ABCA3: variants seen among roughly 807,000 people sequenced by gnomAD.
The protein encoded by ABCA3 is phospholipid-transporting ATPase ABCA3.
A neutral mutation model predicts 172.8 loss-of-function variants in ABCA3; 88 were observed. That is an observed-to-expected ratio of 0.51 (90% CI 0.43 to 0.61). The LOEUF (loss-of-function observed/expected upper bound fraction) is 0.61, where lower values mean the gene tolerates loss of function less well. ABCA3 is among the 20% of genes least tolerant of loss of function. The pLI is 0.00. For missense variants in ABCA3, 2,164 were observed against 2,301.0 expected, an observed-to-expected ratio of 0.94 and a Z score of 1.22; for synonymous variants, 1,066 against 983.8, an observed-to-expected ratio of 1.08 and a Z score of -1.56.
chr16:2,284,273 A>G lies in ABCA3; in HGVS notation c.3862+6T>C, dbSNP rs1410963021. 13 of 1,611,752 alleles carry G rather than the reference A, an allele frequency of 8.1e-6. No individual in the cohort carries two copies. Among genetic ancestry groups the G allele is most frequent in the South Asian group, 1.1e-5 (1 of 91,070 alleles). ...TGCTGCCCGGGGTCGGGGCTGGGAC[A>G]CTCACTATATTTCTTGCAGTAGTGG... On this transcript the variant is annotated splice_donor_region_variant and intron_variant, in intron 25 of 32. Transcript: ENST00000301732. The surrounding 1 kb of genome is among the most constrained non-coding windows in gnomAD (Gnocchi z 5.9).
intron 19 of ABCA3, among the ~76,000 whole-genome samples, chr16:2,291,570 T>C (rs971983476): frequency 2.6e-5 from 4 of 152,202 alleles, no homozygotes; most frequent in African/African-American, 9.6e-5. Flanking sequence ...GTGTGCCAGC[T>C]AGACCCGTGG....
At chr16:2,309,190 C>T (rs1324174356) in intron 10 of ABCA3, among the ~76,000 whole-genome samples, 2 of 152,368 alleles carry the variant, frequency 1.3e-5, no homozygotes, top group East Asian at 3.9e-4. Context: ...TCGTGATCCA[C>T]CGGCCTTGGC....
intron 8 of ABCA3, among the ~76,000 whole-genome samples, chr16:2,318,078 C>T (rs1052866296): frequency 1.7e-4 from 26 of 152,252 alleles, no homozygotes; most frequent in African/African-American, 6.0e-4. Flanking sequence ...TCCCCCGAAG[C>T]TACGTCAGGC....
intron 13 of ABCA3, 83 bp from the exon 14 acceptor site, chr16:2,299,615 C>A (rs1175394340): frequency 1.9e-6 from 3 of 1,596,056 alleles, no homozygotes; most frequent in East Asian, 2.2e-5. Flanking sequence ...CCTGCCCGAC[C>A]GTCTCAGAAG....
chr16:2,284,978 G>C lies in ABCA3; in HGVS notation c.3504C>G (p.Asp1168Glu). 6.2e-7 allele frequency: 1 copy of C among 1,613,518 alleles called. No homozygotes were observed. The highest frequency in any genetic ancestry group is 2.2e-5 in the East Asian group (1 of 44,860). ...LLLLVVFKAF[D>E]VRAFTRDGHM... The stretch of plus-strand genomic sequence containing the variant: ...GGCCGTCCCGCGTGAAGGCACGCAC[G>C]TCGAAGGCCTTAAACACCACCTGCG... Residue 1168 changes from aspartate (D) to glutamate (E), a missense_variant, in exon 24 of 33, where the codon GAC (aspartate) becomes GAG (glutamate). By Grantham distance (45) the Asp-to-Glu change is conservative. Transcript: ENST00000301732. The surrounding 1 kb of genome is among the most constrained non-coding windows in gnomAD (Gnocchi z 5.9).
rs369924779 is a variant in ABCA3 at position 2,317,269 on chromosome 16, T to C, written c.1111+14A>G. The C allele has an allele frequency of 6.2e-6, 10 of 1,613,484 alleles. No individual in the cohort carries two copies. ...CCCTTGGCAACCCCACTCTGCCCCA[T>C]GACTGGGGCTCACCTTTGCTGAAGA... On this transcript the variant is annotated intron_variant, in intron 10 of 32. Transcript: ENST00000301732.
rs926697117 is a variant in ABCA3 at position 2,285,208 on chromosome 16, C to T, written c.3484-210G>A. ...CAGTTTCCCCTCGTCCCCTTGCACCCGGAGCTGTAACCAGGATGGCTGCTC... is the reference window on the plus strand; with the variant it reads ...CAGTTTCCCCTCGTCCCCTTGCACCTGGAGCTGTAACCAGGATGGCTGCTC... On this transcript the variant is annotated intron_variant, in intron 23 of 32. Coordinates refer to ENST00000301732, the MANE Select transcript of ABCA3 (RefSeq NM_001089.3). This position sits in a 1 kb window ranked among gnomAD's most constrained non-coding sequence, Gnocchi z 4.7. Among the ~76,000 whole-genome samples, 4 of 152,194 alleles carry T rather than the reference C, an allele frequency of 2.6e-5. No homozygotes were observed. The highest frequency in any genetic ancestry group is 6.5e-5 in the Admixed American group (1 of 15,288).
At position 2,297,773 on chromosome 16, in the gene ABCA3, C is replaced by G; in HGVS notation, c.2045G>C (p.Gly682Ala). The G allele has an allele frequency of 6.2e-7, 1 of 1,611,908 alleles. No individual in the cohort carries two copies. Among genetic ancestry groups the G allele is most frequent in the Non-Finnish European group, 8.5e-7 (1 of 1,180,026 alleles). ...CCAGTCCCACCGCCACACCTTGGAG[C>G]CTGCGATGAGGGCGATGCCGATGGA... ...KLSIGIALIA[G>A]SKVLILDEPT... The change falls in exon 16 of 33, where the codon GGC becomes GCC. Residue 682 changes from glycine to alanine, a missense_variant. Physicochemically the swap from Gly to Ala is moderately conservative, Grantham distance 60. This residue lies in a region of ABCA3 where 1,343 missense variants were observed against 1,369.6 expected (regional missense o/e 0.98). Transcript: ENST00000301732. This position sits in a 1 kb window ranked among gnomAD's most constrained non-coding sequence, Gnocchi z 5.6.
Position 2,319,617 on chromosome 16 carries a change from G to A in ABCA3, c.837C>T (p.Ala279=), listed in dbSNP as rs45468595. 18 of 1,613,346 alleles carry A rather than the reference G, an allele frequency of 1.1e-5. No homozygotes were observed. The African/African-American group carries it at 2.3e-4, about 20-fold the overall frequency. The part of the protein sequence containing the change: ...LSFTYTALTI[A]RAVVQEKERR... Reference sequence around the variant, plus strand: ...TTTCCTTCTCCTGCACGACAGCACGGGCAATGGTGAGCGCGGTGTAGGTGA... The same window carrying A: ...TTTCCTTCTCCTGCACGACAGCACGAGCAATGGTGAGCGCGGTGTAGGTGA... Residue 279 remains alanine (A), a synonymous_variant, in exon 8 of 33, where the codon GCC becomes GCT. Transcript: ENST00000301732.
chr16:2,319,779 G>A lies in ABCA3; in HGVS notation c.675C>T (p.Tyr225=), dbSNP rs572736116. The change falls in exon 8 of 33, where the codon TAC becomes TAT. Residue 225 remains tyrosine (Y), a synonymous_variant. Coordinates refer to ENST00000301732, the MANE Select transcript of ABCA3 (RefSeq NM_001089.3). ...GCTGGCGTGTGGCGGCATCGGCATG[G>A]TACTCCATGATGGCCCGGTCCACAG... ...QHAVDRAIME[Y]HADAATRQLF... is the part of the protein sequence containing the mutation. 6.2e-7 allele frequency: 1 copy of A among 1,614,012 alleles called. No individual in the cohort carries two copies. The highest frequency in any genetic ancestry group is 1.1e-5 in the South Asian group (1 of 91,080).
chr16:2,325,368 C>T (rs1418196174), intron 5 of ABCA3, among the ~76,000 whole-genome samples: 1 of 152,150 alleles, frequency 6.6e-6, no homozygotes, highest in Non-Finnish European at 1.5e-5. Context: ...CCTGCTGCTC[C>T]CCGGGGTCCT....
intron 17 of ABCA3, among the ~76,000 whole-genome samples, chr16:2,296,777 C>CA (rs2093680423): frequency 6.6e-6 from 1 of 152,222 alleles, no homozygotes; most frequent in South Asian, 2.1e-4. Context: ...GGTTGCCACT[C>CA]AGTCACTAGG....
rs2093683834 is a variant in ABCA3 at position 2,298,577 on chromosome 16, G to T, written c.1742-37C>A. ...CAGGAGACCCCACATTCAGCATGAA[G>T]ATCCTGCTCGTCAGCACCCGCGGTA... On this transcript the variant is annotated intron_variant, in intron 14 of 32. Transcript: ENST00000301732. 3.1e-6 allele frequency: 5 copies of T among 1,609,254 alleles called. No individual in the cohort carries two copies. The African/African-American group carries it at 4.0e-5, about 13-fold the overall frequency.
rs1596865179 is a variant in ABCA3, at chr16:2,324,301, T to C, written c.447+103A>G. 3.4e-6 allele frequency: 5 copies of C among 1,481,064 alleles called. No homozygotes were observed. The African/African-American group carries it at 5.6e-5, about 17-fold the overall frequency. 91.7% of individuals were successfully genotyped at this position (1,481,064 alleles called of 1,614,324 possible). A position where few individuals can be genotyped will look rare whatever the true frequency, so the allele number is the denominator to read the frequency against. On this transcript the variant is annotated intron_variant, in intron 6 of 32. Coordinates refer to ENST00000301732, the MANE Select transcript of ABCA3 (RefSeq NM_001089.3). ...CTATTGACTTGCAGGCAGGCAGAGG[T>C]TTAAGGGAAAGCAGTGCCTTTTACA...
At position 2,324,546 on chromosome 16, in the gene ABCA3, C is replaced by A; in HGVS notation, c.320-15G>T. On this transcript the variant is annotated splice_polypyrimidine_tract_variant and intron_variant, in intron 5 of 32. Transcript: ENST00000301732. ...AAAGCCGCGCACTGCAAAGAGAGAG[C>A]ACGGGAGCTGTGGTTGCCCAATCGG... 1 of 1,607,944 alleles carries A rather than the reference C, an allele frequency of 6.2e-7. No individual in the cohort carries two copies. The highest frequency in any genetic ancestry group is 1.1e-5 in the South Asian group (1 of 91,028).
In ABCA3 at chr16:2,332,628, A is replaced by C. The variant is rs1027684411; in HGVS notation, c.-538-2774T>G. The C allele has an allele frequency of 7.2e-5, 115 of 1,599,438 alleles. 1 individual carries two copies. Among genetic ancestry groups the C allele is most frequent in the Middle Eastern group, 2.3e-4 (1 of 4,402 alleles). On this transcript the variant is annotated intron_variant, in intron 1 of 32. Transcript: ENST00000301732. ...GCTTGTACTGTAGCGTGGGCGGCTCAATCTTCTCCAGGGGCCGCCCGTTCA... is the reference window on the plus strand; with the variant it reads ...GCTTGTACTGTAGCGTGGGCGGCTCCATCTTCTCCAGGGGCCGCCCGTTCA...
At chr16:2,309,531 G>A (rs1448400305) in intron 10 of ABCA3, among the ~76,000 whole-genome samples, 2 of 152,208 alleles carry the variant, frequency 1.3e-5, no homozygotes, top group African/African-American at 4.8e-5. Flanking sequence ...AGAAGGAGCC[G>A]GAAGAGGTGA....
chr16:2,298,810 C>A (rs1314127556), intron 14 of ABCA3, among the ~76,000 whole-genome samples: 1 of 152,174 alleles, frequency 6.6e-6, no homozygotes, highest in Non-Finnish European at 1.5e-5. Context: ...CACAATCAGC[C>A]CCCGCCCCGG....
At chr16:2,326,375 A>G in intron 4 of ABCA3, 38 bp downstream of exon 4, 1 of 1,612,596 alleles carries the variant, frequency 6.2e-7, no homozygotes, top group South Asian at 1.1e-5. Flanking sequence ...CCTCTGGGCT[A>G]GGCACGCAGC....
Sources: gnomAD v4.1 joint callset for allele counts (sites outside exome capture counted in the v4.1 genomes callset) on GRCh38, gnomAD v4.1.1 for gene constraint, gnomAD v4.1.1 regional missense constraint, Gnocchi (gnomAD v3.1) non-coding constraint, MANE v1.5 for transcripts, NCBI Gene and HGNC (gene_info 2026-07-23, HGNC 2026-07-21) for gene names.